Variants in SENP6 observed in about 807,000 individuals in gnomAD.
The protein encoded by SENP6 is sentrin-specific protease 6.
SENP6 carries 41 observed loss-of-function variants against 134.5 expected under a neutral mutation model. That is an observed-to-expected ratio of 0.30 (90% confidence interval 0.24 to 0.40). The LOEUF (loss-of-function observed/expected upper bound fraction) is 0.40. Ranked by LOEUF, SENP6 falls within the 10% of genes least tolerant of loss-of-function variation. The pLI is 1.00. For missense variants in SENP6, 1,248 were observed against 1,312.5 expected (o/e 0.95, Z 0.76); for synonymous variants, 395 against 429.8 (o/e 0.92, Z 1.00).
intron 1 of SENP6, among the ~76,000 whole-genome samples, chr6:75,607,531 A>G (rs1202250229): frequency 1.3e-5 from 2 of 151,568 alleles, no homozygotes; most frequent in Non-Finnish European, 2.9e-5. Context: ...ACTTGTTCAT[A>G]TCTAGTTTTC....
intron 3 of SENP6, 88 bp from the exon 4 acceptor site, chr6:75,633,493 T>C: frequency 9.0e-7 from 1 of 1,116,974 alleles, no homozygotes; most frequent in Non-Finnish European, 1.3e-6. Context: ...TGTATGTTTT[T>C]ACTACTTTTA....
At chr6:75,667,023 AGTGCC>A in intron 10 of SENP6, 82 bp downstream of exon 10, 2 of 760,438 alleles carry the variant, frequency 2.6e-6, no homozygotes, top group African/African-American at 1.7e-5. Context: ...GCAGTTTGGT[AGTGCC>A]AAGAAAAAAT....
intron 3 of SENP6, among the ~76,000 whole-genome samples, chr6:75,628,348 A>G (rs562247879): frequency 1.3e-5 from 2 of 152,262 alleles, no homozygotes; most frequent in South Asian, 4.1e-4. Context: ...TCCTGCTACT[A>G]AAGTTTATTT....
rs192497766 is a variant in SENP6, at chr6:75,626,847, C to T, written c.207+2887C>T. ...CTGAACATAGCACCTTCACATATTTCCTGTATTTACAGTGTAAGAATTTAA... is the reference window on the plus strand; with the variant it reads ...CTGAACATAGCACCTTCACATATTTTCTGTATTTACAGTGTAAGAATTTAA... On this transcript the variant is annotated intron_variant, in intron 3 of 23. Coordinates refer to ENST00000447266, the MANE Select transcript of SENP6 (RefSeq NM_015571.4). 3.3e-3 allele frequency among the ~76,000 whole-genome samples: 504 copies of T among 152,276 alleles called. 1 individual carries two copies. Among genetic ancestry groups the T allele is most frequent in the Middle Eastern group, 0.01 (3 of 294 alleles).
chr6:75,693,651 T>C (rs1012777713), intron 16 of SENP6, among the ~76,000 whole-genome samples: 7 of 152,208 alleles, frequency 4.6e-5, no homozygotes, highest in Non-Finnish European at 1.0e-4. Flanking sequence ...TCTTAAATTA[T>C]GTCATTTTCA....
At chr6:75,616,022 G>A (rs751864623) in intron 1 of SENP6, among the ~76,000 whole-genome samples, 34 of 151,860 alleles carry the variant, frequency 2.2e-4, no homozygotes, top group Non-Finnish European at 4.3e-4. Flanking sequence ...TTTCACTTTT[G>A]TTAATCTCTC....
rs1435997099 is a variant in SENP6 at position 75,679,140 on chromosome 6, T to C, written c.2075+213T>C. 1.2e-5 allele frequency: 5 copies of C among 425,260 alleles called. No homozygotes were observed. The East Asian group carries it at 2.5e-4, about 21-fold the overall frequency. The allele number at this position is 425,260 out of a possible 1,614,324, so 26.3% of individuals were successfully genotyped here. A position where few individuals can be genotyped will look rare whatever the true frequency, so the allele number is the denominator to read the frequency against. Reference sequence around the variant, plus strand: ...AGTTGTGAAAATTGGGCCAGGGAGATATCTGGCTTATGTCTATAATCCTGA... The same window carrying C: ...AGTTGTGAAAATTGGGCCAGGGAGACATCTGGCTTATGTCTATAATCCTGA... On this transcript the variant is annotated intron_variant, in intron 16 of 23. Coordinates refer to ENST00000447266, the MANE Select transcript of SENP6 (RefSeq NM_015571.4).
At chr6:75,617,577 C>T (rs927880990) in intron 1 of SENP6, among the ~76,000 whole-genome samples, 1 of 152,092 alleles carries the variant, frequency 6.6e-6, no homozygotes, top group East Asian at 1.9e-4. Context: ...TGTGCCCGGC[C>T]GGTTTAGAGA....
intron 6 of SENP6, among the ~76,000 whole-genome samples, chr6:75,641,283 T>A (rs1238946292): frequency 6.6e-6 from 1 of 152,180 alleles, no homozygotes; most frequent in East Asian, 1.9e-4. Flanking sequence ...AATAAGTGAC[T>A]CCTTTCTTTT....
intron 6 of SENP6, among the ~76,000 whole-genome samples, chr6:75,643,237 A>C (rs761600888): frequency 1.8e-4 from 27 of 152,240 alleles, no homozygotes; most frequent in Non-Finnish European, 3.1e-4. Flanking sequence ...TCCTATCAGT[A>C]GTTATAATAA....
At position 75,609,945 on chromosome 6, in the gene SENP6, G is replaced by A. The variant is rs180812400; in HGVS notation, c.52+7369G>A. On this transcript the variant is annotated intron_variant, in intron 1 of 23. Transcript: ENST00000447266. The stretch of plus-strand genomic sequence containing the variant: ...TGGGATTACAGGCGCATACCACCAT[G>A]CCTGACTAATTTTTGTATTTTTAGT... Among the ~76,000 whole-genome samples, 325 of 152,126 alleles carry A rather than the reference G, an allele frequency of 2.1e-3. 6 individuals carry two copies. Among genetic ancestry groups the A allele is most frequent in the East Asian group, 2.3e-3 (12 of 5,164 alleles).
chr6:75,621,393 A>T lies in SENP6; in HGVS notation c.53-139A>T, dbSNP rs1244329669. On this transcript the variant is annotated intron_variant, in intron 1 of 23. Transcript: ENST00000447266. ...TTCTTTTTCTCTTTGGAGGAAATCA[A>T]ATGTTTACAAAAAATAGACAAAGGC... 1.2e-5 allele frequency: 7 copies of T among 581,274 alleles called. No individual in the cohort carries two copies. The Admixed American group carries it at 2.5e-4, about 21-fold the overall frequency. The allele number at this position is 581,274 out of a possible 1,614,324, so 36.0% of individuals were successfully genotyped here. A position where few individuals can be genotyped will look rare whatever the true frequency, so the allele number is the denominator to read the frequency against.
At chr6:75,641,258 A>G (rs545935140) in intron 6 of SENP6, among the ~76,000 whole-genome samples, 54 of 152,280 alleles carry the variant, frequency 3.5e-4, no homozygotes, top group African/African-American at 1.3e-3. Flanking sequence ...TATAATGGTT[A>G]TATATATTTA....
At chr6:75,704,713 C>T (rs1775274094) in intron 19 of SENP6, among the ~76,000 whole-genome samples, 1 of 152,174 alleles carries the variant, frequency 6.6e-6, no homozygotes, top group Non-Finnish European at 1.5e-5. Flanking sequence ...GGCCATATTT[C>T]AGACTATCAC....
chr6:75,639,364 T>C (rs1049311227), intron 5 of SENP6, among the ~76,000 whole-genome samples: 1 of 152,080 alleles, frequency 6.6e-6, no homozygotes, highest in Non-Finnish European at 1.5e-5. Context: ...ATTTATAATA[T>C]TCTTTTCCTT....
intron 10 of SENP6, 37 bp from the exon 11 acceptor site, chr6:75,670,516 G>A: frequency 6.7e-7 from 1 of 1,500,274 alleles, no homozygotes. Context: ...CCTTATTTTA[G>A]TAAATTATTA....
intron 16 of SENP6, 89 bp from the exon 17 acceptor site, chr6:75,695,715 C>T (rs1331167059): frequency 4.7e-6 from 5 of 1,073,302 alleles, no homozygotes; most frequent in Non-Finnish European, 6.5e-6. Flanking sequence ...CCAGCCTGGG[C>T]AACAGAGTGA....
intron 10 of SENP6, among the ~76,000 whole-genome samples, chr6:75,668,478 G>A (rs1479012568): frequency 1.3e-5 from 2 of 151,996 alleles, no homozygotes; most frequent in Non-Finnish European, 2.9e-5. Flanking sequence ...AATAAGGAAA[G>A]GAAATGAATA....
chr6:75,640,038 T>C (rs1234956750), intron 5 of SENP6, among the ~76,000 whole-genome samples: 1 of 152,180 alleles, frequency 6.6e-6, no homozygotes, highest in Admixed American at 6.6e-5. Context: ...ATGATAACAT[T>C]ATTGAATTTT....
Sources: allele counts gnomAD v4.1 joint callset (sites outside exome capture counted in the v4.1 genomes callset), GRCh38; gene constraint gnomAD v4.1.1; transcripts MANE v1.5; gene names NCBI Gene and HGNC (gene_info 2026-07-23, HGNC 2026-07-21).